The following DMD variants were observed in gnomAD, a reference collection of about 807,000 sequenced individuals.
DMD encodes mutant dystrophin.
DMD carries 63 observed loss-of-function variants against 330.1 expected under a neutral mutation model. The ratio of observed to expected loss-of-function variants is 0.19; its 90% CI spans 0.16 to 0.24. DMD has a LOEUF of 0.24. DMD is among the 10% of genes least tolerant of loss of function. DMD has a pLI of 1.00. For missense variants in DMD, 3,344 were observed against 2,684.1 expected (o/e 1.25, Z -5.43); for synonymous variants, 1,223 against 959.8 (o/e 1.27, Z -5.07).
At chrX:33,175,893 C>T in intron 1 of DMD, among the ~76,000 whole-genome samples, 1 of 111,580 alleles carries the variant, frequency 9.0e-6, no homozygotes, top group Middle Eastern at 4.7e-3. Context: ...TATGCTAAGA[C>T]TTTTCCATAT....
chrX:33,259,602 C>CCA (rs2052918793), intron 1 of DMD, among the ~76,000 whole-genome samples: 1 of 65,065 alleles, frequency 1.5e-5, no homozygotes. Context: ...AAATCGCCCC[C>CCA]CCCCCCCAAA....
At chrX:32,240,090 C>G (rs761053414) in intron 43 of DMD, among the ~76,000 whole-genome samples, 1 of 111,625 alleles carries the variant, frequency 9.0e-6, no homozygotes, top group South Asian at 3.8e-4. Flanking sequence ...TTGATTGTCT[C>G]TTAAAACTGA....
intron 42 of DMD, among the ~76,000 whole-genome samples, chrX:32,296,769 G>A (rs1223309160): frequency 9.0e-6 from 1 of 111,690 alleles, no homozygotes; most frequent in Non-Finnish European, 1.9e-5. Flanking sequence ...ATGTATAAAA[G>A]CATAAGTTAA....
At chrX:32,694,553 A>C (rs746432298) in intron 9 of DMD, among the ~76,000 whole-genome samples, 12 of 112,367 alleles carry the variant, frequency 1.1e-4, no homozygotes, top group African/African-American at 3.9e-4. Flanking sequence ...CTTTGATGAA[A>C]TATTGGCCTC....
chrX:33,158,201 T>G (rs1192824324), intron 1 of DMD, among the ~76,000 whole-genome samples: 1 of 112,148 alleles, frequency 8.9e-6, no homozygotes, highest in Non-Finnish European at 1.9e-5. Flanking sequence ...TGTATATTTC[T>G]GTATCATATT....
At chrX:31,931,840 T>A (rs56352149) in intron 46 of DMD, among the ~76,000 whole-genome samples, 1 of 110,811 alleles carries the variant, frequency 9.0e-6, no homozygotes, top group Non-Finnish European at 1.9e-5. Flanking sequence ...TATGTGTAGA[T>A]GTATAGATGC....
intron 1 of DMD, among the ~76,000 whole-genome samples, chrX:33,054,164 A>G (rs925964929): frequency 7.1e-5 from 8 of 112,164 alleles, no homozygotes; most frequent in Non-Finnish European, 1.3e-4. Context: ...CAGAATGATC[A>G]CATCAGTTAA....
At chrX:31,385,106 G>A (rs780725323) in intron 60 of DMD, among the ~76,000 whole-genome samples, 49 of 112,046 alleles carry the variant, frequency 4.4e-4, no homozygotes, top group African/African-American at 7.5e-4. Context: ...AAGGTTTAAC[G>A]TACAGGTTGT....
At chrX:31,316,043 T>C (rs947482447) in intron 62 of DMD, among the ~76,000 whole-genome samples, 3 of 112,120 alleles carry the variant, frequency 2.7e-5, no homozygotes, top group Non-Finnish European at 5.6e-5. Flanking sequence ...CTCATTGAGG[T>C]TGAGCTAAGT....
intron 2 of DMD, among the ~76,000 whole-genome samples, chrX:32,938,001 T>C (rs2146775787): frequency 9.0e-6 from 1 of 111,249 alleles, no homozygotes; most frequent in South Asian, 3.8e-4. Flanking sequence ...TAAAATTATC[T>C]AGGAAACTTT....
chrX:32,973,660 A>G (rs1457321555), intron 2 of DMD, among the ~76,000 whole-genome samples: 1 of 112,148 alleles, frequency 8.9e-6, no homozygotes, highest in Non-Finnish European at 1.9e-5. Flanking sequence ...AGATGAGGCT[A>G]TAGATATTGC....
intron 2 of DMD, among the ~76,000 whole-genome samples, chrX:32,956,543 A>G (rs1184420097): frequency 8.9e-6 from 1 of 111,888 alleles, no homozygotes; most frequent in Non-Finnish European, 1.9e-5. Flanking sequence ...ATTTTGGCAC[A>G]TTGGTTTTGT....
At chrX:32,942,730 T>G (rs896236051) in intron 2 of DMD, among the ~76,000 whole-genome samples, 1 of 111,683 alleles carries the variant, frequency 9.0e-6, no homozygotes, top group Non-Finnish European at 1.9e-5. Context: ...TTTATATGTT[T>G]TCAATTTTTA....
At chrX:32,214,582 G>C (rs185031041) in intron 44 of DMD, among the ~76,000 whole-genome samples, 1 of 111,380 alleles carries the variant, frequency 9.0e-6, no homozygotes, top group Non-Finnish European at 1.9e-5. Flanking sequence ...CTGTTCCCAC[G>C]AGCCCCAGTG....
chrX:32,955,385 G>GA (rs761224519), intron 2 of DMD, among the ~76,000 whole-genome samples: 1 of 9,323 alleles, frequency 1.1e-4, no homozygotes, highest in African/African-American at 1.3e-4. Flanking sequence ...TTTTTAGTAG[G>GA]GTTTTTTTTT....
At chrX:31,757,552 A>G (rs2089217970) in intron 51 of DMD, among the ~76,000 whole-genome samples, 1 of 111,470 alleles carries the variant, frequency 9.0e-6, no homozygotes, top group Non-Finnish European at 1.9e-5. Context: ...TCAAGACATC[A>G]GCAGATTCAT....
rs184539728 is a variant in DMD at position 32,671,827 on chromosome X, C to A, written c.960+26043G>T. 7.7e-3 allele frequency among the ~76,000 whole-genome samples: 857 copies of A among 111,561 alleles called. 7 individuals are homozygous for A. The highest frequency in any genetic ancestry group is 0.013 in the Non-Finnish European group (709 of 52,861). On this transcript the variant is annotated intron_variant, in intron 9 of 78. Coordinates refer to ENST00000357033, the MANE Select transcript of DMD (RefSeq NM_004006.3). The stretch of plus-strand genomic sequence containing the variant: ...AATACCACCAAATTTAAATAACAAT[C>A]CAAACTATGAAAGTAGATGCATATA...
intron 44 of DMD, among the ~76,000 whole-genome samples, chrX:32,213,893 G>C (rs1339992022): frequency 9.1e-6 from 1 of 110,148 alleles, no homozygotes; most frequent in Non-Finnish European, 1.9e-5. Context: ...AGAATTGCTT[G>C]AAGCCTGGAG....
At chrX:32,888,909 G>A (rs772962362) in intron 2 of DMD, among the ~76,000 whole-genome samples, 56 of 110,273 alleles carry the variant, frequency 5.1e-4, no homozygotes, top group Non-Finnish European at 3.4e-4. Flanking sequence ...GTCCAGGCAC[G>A]GAAAATTATA....
Sources: gnomAD v4.1 joint callset for allele counts (sites outside exome capture counted in the v4.1 genomes callset) on GRCh38, gnomAD v4.1.1 for gene constraint, MANE v1.5 for transcripts, NCBI Gene and HGNC (gene_info 2026-07-23, HGNC 2026-07-21) for gene names.